The following PTPRB variants were observed in gnomAD, a reference collection of about 807,000 sequenced individuals.
PTPRB encodes protein tyrosine phosphatase receptor type B.
A neutral mutation model predicts 238.1 loss-of-function variants in PTPRB; 97 were observed. The observed-to-expected ratio is 0.41, with a 90% CI of 0.35 to 0.48. The LOEUF (loss-of-function observed/expected upper bound fraction) is 0.48, where lower values mean the gene tolerates loss of function less well. Ranked by LOEUF, PTPRB falls within the 20% of genes least tolerant of loss-of-function variation. PTPRB has a pLI of 0.30. For missense variants in PTPRB, 2,292 were observed against 2,681.9 expected (o/e 0.85, Z 3.21); for synonymous variants, 970 against 995.4 (o/e 0.97, Z 0.48).
At chr12:70,624,925 T>C (rs958191191) in intron 2 of PTPRB, among the ~76,000 whole-genome samples, 5 of 152,190 alleles carry the variant, frequency 3.3e-5, no homozygotes, top group Non-Finnish European at 4.4e-5. Context: ...TTCCCAAAAG[T>C]AGATAAATTT....
intron 28 of PTPRB, among the ~76,000 whole-genome samples, chr12:70,537,190 G>A (rs1467615951): frequency 6.6e-6 from 1 of 151,452 alleles, no homozygotes; most frequent in Non-Finnish European, 1.5e-5. Context: ...GGGCGGCTGA[G>A]GCAGGAGAAT....
rs776782228 is a variant in PTPRB, at chr12:70,555,233, A to C, written c.5070T>G (p.Thr1690=). The C allele has an allele frequency of 6.2e-7, 1 of 1,613,942 alleles. No homozygotes were observed. The highest frequency in any genetic ancestry group is 2.2e-5 in the East Asian group (1 of 44,870). The change falls in exon 20 of 34, where the codon ACT becomes ACG. Residue 1690 remains threonine, a synonymous_variant. Coordinates refer to ENST00000334414, the MANE Select transcript of PTPRB (RefSeq NM_001109754.4). ...TGTCGCTGAACCAGCTGCAGTTGAC[A>C]GTAAAGTTGATGGAAGACTTGCTAA... is the stretch of plus-strand genomic sequence containing the variant. The part of the protein sequence containing the change: ...VLISKSSINF[T]VNCSWFSDTN...
chr12:70,549,204 G>A (rs1876523642), intron 21 of PTPRB, among the ~76,000 whole-genome samples: 1 of 152,286 alleles, frequency 6.6e-6, no homozygotes, highest in African/African-American at 2.4e-5. Context: ...TATTTTTAAT[G>A]AACAAATATC....
chr12:70,552,850 T>C lies in PTPRB; in HGVS notation c.5314A>G (p.Ser1772Gly), dbSNP rs1428246631. 3 of 1,613,858 alleles carry C rather than the reference T, an allele frequency of 1.9e-6. No homozygotes were observed. The highest frequency in any genetic ancestry group is 1.7e-6 in the Non-Finnish European group (2 of 1,179,878). Residue 1772 changes from serine (S) to glycine (G), a missense_variant, in exon 21 of 34, where the codon AGC (serine) becomes GGC (glycine). Physicochemically the swap from Ser to Gly is moderately conservative, Grantham distance 56. This residue lies in a region of PTPRB where 683 missense variants were observed against 862.0 expected (regional missense o/e 0.79). Coordinates refer to ENST00000334414, the MANE Select transcript of PTPRB (RefSeq NM_001109754.4). ...GTGGGATCGCATTTTCCACCTAGGC[T>C]CTCCATCTCTGCTCCAAGCTTAATG... Reference protein sequence around the residue: ...FNIKLGAEMESLGGKCDPTQQ... With the variant: ...FNIKLGAEMEGLGGKCDPTQQ...
intron 13 of PTPRB, among the ~76,000 whole-genome samples, chr12:70,570,672 T>C (rs1879926902): frequency 6.6e-6 from 1 of 152,172 alleles, no homozygotes; most frequent in Non-Finnish European, 1.5e-5. Context: ...TGGTTCATGG[T>C]GAACTGTCAG....
In PTPRB at chr12:70,606,023, C is replaced by T. The variant is rs11832949; in HGVS notation, c.979+3046G>A. Among the ~76,000 whole-genome samples the T allele has an allele frequency of 8.9e-3, 1,355 of 152,202 alleles. 8 individuals carry two copies. The highest frequency in any genetic ancestry group is 0.027 in the African/African-American group (1,108 of 41,516). ...CAAAGGATATTCTTGTTGCGTTGAC[C>T]GTTTAATGACCAAGTAAACCTGAGA... is the stretch of plus-strand genomic sequence containing the variant. On this transcript the variant is annotated intron_variant, in intron 4 of 33. Coordinates refer to ENST00000334414, the MANE Select transcript of PTPRB (RefSeq NM_001109754.4).
At chr12:70,606,646 T>C (rs2136529969) in intron 4 of PTPRB, among the ~76,000 whole-genome samples, 1 of 152,358 alleles carries the variant, frequency 6.6e-6, no homozygotes, top group East Asian at 1.9e-4. Context: ...CTAGTTGGCA[T>C]TGCTTTAATA....
rs919745731 is a variant in PTPRB, at chr12:70,516,920, A to G, written c.*4569T>C. 2 of 152,240 alleles carry G rather than the reference A, an allele frequency of 1.3e-5. No homozygotes were observed. The highest frequency in any genetic ancestry group is 2.9e-5 in the Non-Finnish European group (2 of 68,042). 9.4% of individuals were successfully genotyped at this position (152,240 alleles called of 1,614,324 possible). ...TTATATAGACAATCTTTTAAAAAAT[A>G]AAATGCCTTATTTGTGTTGCATACA... On this transcript the variant is annotated 3_prime_UTR_variant, in exon 34 of 34. Coordinates refer to ENST00000334414, the MANE Select transcript of PTPRB (RefSeq NM_001109754.4).
rs1259158974 is a variant in PTPRB, at chr12:70,555,173, C to G, written c.5130G>C (p.Val1710=). ...NGAVKYFTVV[V]READGSDELK... is the part of the protein sequence containing the mutation. The stretch of plus-strand genomic sequence containing the variant: ...ATGATAACTTACCATCAGCCTCTCT[C>G]ACCACCACTGTGAAGTATTTCACAG... Residue 1710 remains valine (V), a synonymous_variant, in exon 20 of 34, where the codon GTG becomes GTC. Coordinates refer to ENST00000334414, the MANE Select transcript of PTPRB (RefSeq NM_001109754.4). The G allele has an allele frequency of 6.2e-7, 1 of 1,613,664 alleles. No homozygotes were observed. The highest frequency in any genetic ancestry group is 1.7e-5 in the Admixed American group (1 of 59,966).
intron 2 of PTPRB, among the ~76,000 whole-genome samples, chr12:70,631,445 C>T (rs1280164608): frequency 1.3e-5 from 2 of 152,174 alleles, no homozygotes; most frequent in African/African-American, 4.8e-5. Flanking sequence ...GGATTAAAGA[C>T]TTAAATGTTA....
Position 70,544,607 on chromosome 12 carries a change from T to C in PTPRB, c.5444A>G (p.Lys1815Arg), listed in dbSNP as rs1457080188. The C allele has an allele frequency of 1.2e-6, 2 of 1,610,726 alleles. No individual in the cohort carries two copies. The highest frequency in any genetic ancestry group is 2.2e-5 in the South Asian group (2 of 90,448). ...LFDEDLKEFTKPLYSDTFFSL... is the reference protein window; with the variant it reads ...LFDEDLKEFTRPLYSDTFFSL... The stretch of plus-strand genomic sequence containing the variant: ...AAAAAATGTGTCTGAATAGAGTGGC[T>C]TTGTGAATTCCTTCAGGTCCTCATC... The change falls in exon 22 of 34, where the codon AAG becomes AGG. Residue 1815 changes from lysine (K) to arginine (R), a missense_variant. Lys to Arg is a conservative substitution (Grantham distance 26, BLOSUM62 2). This residue lies in a region of PTPRB where 397 missense variants were observed against 502.0 expected (regional missense o/e 0.79). Coordinates refer to ENST00000334414, the MANE Select transcript of PTPRB (RefSeq NM_001109754.4).
intron 4 of PTPRB, among the ~76,000 whole-genome samples, chr12:70,601,888 T>C (rs544099974): frequency 2.8e-4 from 42 of 149,114 alleles, no homozygotes; most frequent in African/African-American, 1.0e-3. Flanking sequence ...GCCTCCCAGG[T>C]CCTGCCATTC....
chr12:70,627,196 T>G (rs1315995983), intron 2 of PTPRB, among the ~76,000 whole-genome samples: 2 of 151,970 alleles, frequency 1.3e-5, no homozygotes, highest in African/African-American at 4.8e-5. Flanking sequence ...AATAGTAGGG[T>G]GGAAGGAAGG....
intron 18 of PTPRB, chr12:70,559,018 G>T: frequency 4.5e-6 from 2 of 440,856 alleles, no homozygotes; most frequent in Non-Finnish European, 8.1e-6. Context: ...CCTTTTCCAA[G>T]AAGTTCTCTT....
chr12:70,585,888 C>A (rs920951502), intron 9 of PTPRB, among the ~76,000 whole-genome samples: 3 of 151,492 alleles, frequency 2.0e-5, no homozygotes, highest in African/African-American at 7.3e-5. Flanking sequence ...TGAGTGAGAA[C>A]ATGTGGTGTT....
chr12:70,596,081 C>T lies in PTPRB; in HGVS notation c.1226G>A (p.Arg409His), dbSNP rs773445643. ...IAITAVSGGKRSFSVYTNGST... is the reference protein window; with the variant it reads ...IAITAVSGGKHSFSVYTNGST... ...TCCATTGGTATAAACTGAAAAAGAA[C>T]GTTTTCCTCCAGAAACAGCTGTGAT... Residue 409 changes from arginine to histidine, a missense_variant, in exon 5 of 34, where the codon CGT becomes CAT. Transcript: ENST00000334414. 6.9e-5 allele frequency: 111 copies of T among 1,610,682 alleles called. 2 individuals carry two copies. The South Asian group carries it at 1.1e-3, about 16-fold the overall frequency.
chr12:70,625,111 C>T (rs767435545), intron 2 of PTPRB, among the ~76,000 whole-genome samples: 3 of 152,134 alleles, frequency 2.0e-5, no homozygotes, highest in Non-Finnish European at 4.4e-5. Flanking sequence ...TAGACCACCA[C>T]CTTTTTTCCA....
chr12:70,633,070 C>T (rs1442206), intron 2 of PTPRB, among the ~76,000 whole-genome samples: 52,941 of 152,076 alleles, frequency 0.35, 12,507 homozygotes, highest in African/African-American at 0.64. Flanking sequence ...TGCTTTCTTT[C>T]ATGGAAGAAC....
At chr12:70,617,818 AG>A (rs2136567449) in intron 3 of PTPRB, among the ~76,000 whole-genome samples, 1 of 137,466 alleles carries the variant, frequency 7.3e-6, no homozygotes, top group South Asian at 2.7e-4. Flanking sequence ...TCATGAACTG[AG>A]GAAATGCAAT....
Sources: gnomAD v4.1 joint callset for allele counts (sites outside exome capture counted in the v4.1 genomes callset) on GRCh38, gnomAD v4.1.1 for gene constraint, gnomAD v4.1.1 regional missense constraint, MANE v1.5 for transcripts, NCBI Gene and HGNC (gene_info 2026-07-23, HGNC 2026-07-21) for gene names.